C14orf132: variants seen among roughly 807,000 people sequenced by gnomAD.
C14orf132 encodes chromosome 14 open reading frame 132, also known as uncharacterized protein C14orf132.
In C14orf132, 6 loss-of-function variants were observed where a neutral mutation model predicts 5.8. The observed-to-expected ratio is 1.03, with a 90% CI of 0.57 to 2.04. The LOEUF (loss-of-function observed/expected upper bound fraction) is 2.04. Among genes scored for constraint, C14orf132 ranks in the 30% most tolerant of loss-of-function variants. The pLI, the probability that C14orf132 is intolerant of heterozygous loss-of-function variation, is 0.00. For synonymous variants in C14orf132, 51 were observed against 49.8 expected (o/e 1.02, Z -0.10); for missense variants, 125 against 115.8 (o/e 1.08, Z -0.37).
In C14orf132 at chr14:96,088,086, T is replaced by C. The variant is rs1036484803; in HGVS notation, c.*1351T>C. Reference sequence around the variant, plus strand: ...TTATACACTGCAAAAACAGAAGAATTGTGTCAATAACACCCTCTGTAGTGG... The same window carrying C: ...TTATACACTGCAAAAACAGAAGAATCGTGTCAATAACACCCTCTGTAGTGG... On this transcript the variant is annotated 3_prime_UTR_variant, in exon 2 of 2. Coordinates refer to ENST00000555004, the MANE Select transcript of C14orf132 (RefSeq NM_001252507.3). 1 of 151,978 alleles carries C rather than the reference T, an allele frequency of 6.6e-6. No homozygotes were observed. The highest frequency in any genetic ancestry group is 2.4e-5 in the African/African-American group (1 of 41,336). The allele number at this position is 151,978 out of a possible 1,614,324, so 9.4% of individuals were successfully genotyped here. A position where few individuals can be genotyped will look rare whatever the true frequency, so the allele number is the denominator to read the frequency against.
At position 96,056,441 on chromosome 14, in the gene C14orf132, A is replaced by G. The variant is rs1887187405; in HGVS notation, c.27+16914A>G. ...TCCTCCTTCTCGCTGGGCTCCGCTG[A>G]GGAACTCAGCACTGCATAGTGGTCA... On this transcript the variant is annotated intron_variant, in intron 1 of 1. Coordinates refer to ENST00000555004, the MANE Select transcript of C14orf132 (RefSeq NM_001252507.3). 1.3e-5 allele frequency among the ~76,000 whole-genome samples: 2 copies of G among 152,180 alleles called. 1 individual carries two copies. The highest frequency in any genetic ancestry group is 4.8e-5 in the African/African-American group (2 of 41,438).
At chr14:96,071,775 G>A (rs1343821912) in intron 1 of C14orf132, among the ~76,000 whole-genome samples, 3 of 152,236 alleles carry the variant, frequency 2.0e-5, no homozygotes, top group African/African-American at 4.8e-5. Context: ...ACCAGCCCCA[G>A]GGGGAGTGTA....
intron 1 of C14orf132, among the ~76,000 whole-genome samples, chr14:96,071,456 C>T (rs1454376428): frequency 6.6e-6 from 1 of 152,168 alleles, no homozygotes; most frequent in African/African-American, 2.4e-5. Context: ...AGGAGTCTTT[C>T]TCCTATAGTG....
At chr14:96,060,334 T>C (rs567487847) in intron 1 of C14orf132, among the ~76,000 whole-genome samples, 1 of 152,218 alleles carries the variant, frequency 6.6e-6, no homozygotes, top group South Asian at 2.1e-4. Context: ...TGTGTGATCT[T>C]TGCAAAGGTG....
chr14:96,049,611 C>CGTATATATATAT (rs1566823855), intron 1 of C14orf132, among the ~76,000 whole-genome samples: 3 of 89,148 alleles, frequency 3.4e-5, no homozygotes, highest in African/African-American at 8.4e-5. Context: ...TATATATATA[C>CGTATATATATAT]ATATATACGT....
chr14:96,062,675 C>G (rs1055455191), intron 1 of C14orf132, among the ~76,000 whole-genome samples: 3 of 152,242 alleles, frequency 2.0e-5, no homozygotes, highest in Admixed American at 2.0e-4. Flanking sequence ...GAGCTGCATC[C>G]GTGTCAGAAC....
intron 1 of C14orf132, among the ~76,000 whole-genome samples, chr14:96,055,831 C>T (rs966516558): frequency 2.0e-5 from 3 of 152,142 alleles, no homozygotes; most frequent in East Asian, 1.9e-4. Flanking sequence ...TATCCCTCCC[C>T]GACTTAGTCC....
rs1888468316 is a variant in C14orf132, at chr14:96,093,117, C to T, written c.*6382C>T. On this transcript the variant is annotated 3_prime_UTR_variant, in exon 2 of 2. Transcript: ENST00000555004. ...GCAGCAGCAGTGATCATGGTCACTGCCCTGCGTTCAAATAATGCGAGCTGA... is the reference window on the plus strand; with the variant it reads ...GCAGCAGCAGTGATCATGGTCACTGTCCTGCGTTCAAATAATGCGAGCTGA... The T allele has an allele frequency of 6.6e-6, 1 of 152,206 alleles. No individual in the cohort carries two copies. The highest frequency in any genetic ancestry group is 1.5e-5 in the Non-Finnish European group (1 of 68,054). 9.4% of individuals were successfully genotyped at this position (152,206 alleles called of 1,614,324 possible).
At chr14:96,047,423 T>C (rs1306600584) in intron 1 of C14orf132, among the ~76,000 whole-genome samples, 1 of 152,182 alleles carries the variant, frequency 6.6e-6, no homozygotes, top group Non-Finnish European at 1.5e-5. Flanking sequence ...CCTGCTCAGG[T>C]CCTGCACCCC....
At chr14:96,077,994 G>T (rs1180556510) in intron 1 of C14orf132, among the ~76,000 whole-genome samples, 1 of 152,222 alleles carries the variant, frequency 6.6e-6, no homozygotes, top group African/African-American at 2.4e-5. Context: ...CCTCCCTCTG[G>T]GTTCCCCTGA....
intron 1 of C14orf132, among the ~76,000 whole-genome samples, chr14:96,077,950 C>T (rs2139676747): frequency 6.6e-6 from 1 of 152,376 alleles, no homozygotes; most frequent in African/African-American, 2.4e-5. Flanking sequence ...TACAGGTTCA[C>T]ACCACAAACT....
chr14:96,059,911 C>T (rs763776662), intron 1 of C14orf132, among the ~76,000 whole-genome samples: 1 of 152,178 alleles, frequency 6.6e-6, no homozygotes, highest in Non-Finnish European at 1.5e-5. Flanking sequence ...ATGAGCAGAC[C>T]CCATCTCTAG....
intron 1 of C14orf132, among the ~76,000 whole-genome samples, chr14:96,079,036 C>A (rs1887957717): frequency 6.6e-6 from 1 of 152,212 alleles, no homozygotes; most frequent in Admixed American, 6.5e-5. Context: ...ATAAAATAAA[C>A]CAGACCCAAA....
chr14:96,064,393 C>CACACAT (rs771778523), intron 1 of C14orf132, among the ~76,000 whole-genome samples: 1,834 of 146,274 alleles, frequency 0.013, 44 homozygotes, highest in African/African-American at 0.045. Context: ...CACACACACA[C>CACACAT]ATATACATAT....
At chr14:96,083,153 T>G (rs1888079927) in intron 1 of C14orf132, among the ~76,000 whole-genome samples, 1 of 152,234 alleles carries the variant, frequency 6.6e-6, no homozygotes, top group South Asian at 2.1e-4. Flanking sequence ...GTACCGCCTG[T>G]GGGGAGCCCT....
intron 1 of C14orf132, among the ~76,000 whole-genome samples, chr14:96,043,022 G>A (rs1379518708): frequency 6.6e-6 from 1 of 152,200 alleles, no homozygotes; most frequent in East Asian, 1.9e-4. Flanking sequence ...GCAGGATCAC[G>A]CATGTTCAAA....
At chr14:96,040,292 G>T (rs1595163125) in intron 1 of C14orf132, 2 of 398,566 alleles carry the variant, frequency 5.0e-6, no homozygotes, top group Middle Eastern at 6.3e-4. Flanking sequence ...ACAAATCCCG[G>T]ATTTCTCCAT....
intron 1 of C14orf132, among the ~76,000 whole-genome samples, chr14:96,059,445 A>G (rs1305284524): frequency 6.6e-6 from 1 of 152,140 alleles, no homozygotes; most frequent in Non-Finnish European, 1.5e-5. Flanking sequence ...AGCACTTCTC[A>G]TCATTCCCAT....
Position 96,049,629 on chromosome 14 carries a change from TAC to T in C14orf132, c.27+10104_27+10105del, listed in dbSNP as rs1478547338. Among the ~76,000 whole-genome samples, 125 of 77,386 alleles carry T rather than the reference TAC, an allele frequency of 1.6e-3. 9 individuals are homozygous for T. Among genetic ancestry groups the T allele is most frequent in the Middle Eastern group, 0.012 (2 of 168 alleles). The allele number at this position is 77,386 out of a possible 152,430, so 50.8% of individuals were successfully genotyped here. A position where few individuals can be genotyped will look rare whatever the true frequency, so the allele number is the denominator to read the frequency against. On this transcript the variant is annotated intron_variant, in intron 1 of 1. Coordinates refer to ENST00000555004, the MANE Select transcript of C14orf132 (RefSeq NM_001252507.3). ...ATATATACATATATACGTATATATA[TAC>T]ATATATACGTATATATATATATAGA...
Sources: gnomAD v4.1 joint callset for allele counts (sites outside exome capture counted in the v4.1 genomes callset) on GRCh38, gnomAD v4.1.1 for gene constraint, MANE v1.5 for transcripts, NCBI Gene and HGNC (gene_info 2026-07-23, HGNC 2026-07-21) for gene names.